Variants in PACC1 observed in about 807,000 individuals in gnomAD.
PACC1 encodes proton-activated chloride channel.
A neutral mutation model predicts 39.7 loss-of-function variants in PACC1; 34 were observed. The observed-to-expected ratio is 0.86, with a 90% CI of 0.65 to 1.14. PACC1 has a LOEUF of 1.14. Ranked by LOEUF, PACC1 falls within the 50% of genes most tolerant of loss-of-function variation. The probability of loss-of-function intolerance (pLI) is 0.00; values close to 1 mark genes in which losing one functional copy is unlikely to be tolerated. For synonymous variants in PACC1, 127 were observed against 160.6 expected (o/e 0.79, Z 1.58); for missense variants, 379 against 436.4 (o/e 0.87, Z 1.17).
intron 2 of PACC1, among the ~76,000 whole-genome samples, chr1:212,401,374 C>T (rs968266509): frequency 2.6e-5 from 4 of 151,986 alleles, no homozygotes; most frequent in African/African-American, 9.7e-5. Context: ...ACCTGTAATC[C>T]CAACACTTTG....
chr1:212,413,704 C>G (rs1662218663), intron 1 of PACC1, among the ~76,000 whole-genome samples: 1 of 152,176 alleles, frequency 6.6e-6, no homozygotes. Flanking sequence ...CTTTGGGAGC[C>G]TGCTGAGAAG....
chr1:212,366,202 T>C (rs2102460070), intron 7 of PACC1, among the ~76,000 whole-genome samples: 1 of 152,244 alleles, frequency 6.6e-6, no homozygotes. Context: ...TTTAAAACAA[T>C]AGGATTGTTC....
chr1:212,402,339 T>A (rs1485255173), intron 2 of PACC1, among the ~76,000 whole-genome samples: 1 of 152,236 alleles, frequency 6.6e-6, no homozygotes, highest in African/African-American at 2.4e-5. Context: ...ATCCACTTTT[T>A]AAAAATTATA....
chr1:212,411,791 G>A (rs1558185383), intron 1 of PACC1, among the ~76,000 whole-genome samples: 1 of 152,106 alleles, frequency 6.6e-6, no homozygotes, highest in East Asian at 1.9e-4. Flanking sequence ...CTCCACTCCT[G>A]CCCCTTAGAA....
chr1:212,379,563 C>A (rs762798656), intron 5 of PACC1, among the ~76,000 whole-genome samples: 68 of 152,350 alleles, frequency 4.5e-4, no homozygotes, highest in Middle Eastern at 6.8e-3. Context: ...CACACAAGAA[C>A]TTGCTCTCAA....
In PACC1 at chr1:212,379,971, G is replaced by C. The variant is rs138060998; in HGVS notation, c.562C>G (p.Arg188Gly). The change falls in exon 5 of 8, where the codon CGC (arginine) becomes GGC (glycine). Residue 188 changes from arginine to glycine, a missense_variant. Physicochemically the swap from Arg to Gly is moderately radical, Grantham distance 125. Coordinates refer to ENST00000261455, the MANE Select transcript of PACC1 (RefSeq NM_018252.3). ...AAGTCCTCACTACTCTTGTTCAGGC[G>C]GAACTGGAGGAAGACCAGCTCCCGC... Reference protein sequence around the residue: ...KKRELVFLQFRLNKSSEDFSA... With the variant: ...KKRELVFLQFGLNKSSEDFSA... 1 of 1,614,198 alleles carries C rather than the reference G, an allele frequency of 6.2e-7. No individual in the cohort carries two copies. Among genetic ancestry groups the C allele is most frequent in the Non-Finnish European group, 8.5e-7 (1 of 1,180,024 alleles).
At chr1:212,388,022 C>T (rs189204746) in intron 2 of PACC1, among the ~76,000 whole-genome samples, 1 of 150,346 alleles carries the variant, frequency 6.7e-6, no homozygotes, top group Admixed American at 6.6e-5. Flanking sequence ...CCATTGCACT[C>T]CAGCCTGGGC....
intron 7 of PACC1, among the ~76,000 whole-genome samples, chr1:212,374,039 AAAAAG>A (rs1184508490): frequency 1.3e-5 from 2 of 150,358 alleles, no homozygotes; most frequent in African/African-American, 2.5e-5. Context: ...AAGGAAATCA[AAAAAG>A]AAAAGAAAAA....
chr1:212,411,731 A>C (rs1170082899), intron 1 of PACC1, among the ~76,000 whole-genome samples: 4 of 152,208 alleles, frequency 2.6e-5, no homozygotes, highest in Non-Finnish European at 1.5e-5. Context: ...TCCAAGAGAC[A>C]AGTGAAAAAC....
chr1:212,407,392 G>A (rs1397506919), intron 2 of PACC1, among the ~76,000 whole-genome samples: 3 of 152,212 alleles, frequency 2.0e-5, no homozygotes, highest in Non-Finnish European at 4.4e-5. Context: ...TTTTAGCCCA[G>A]TGAGATCCAT....
At chr1:212,371,241 CAAAAA>C (rs1189603478) in intron 7 of PACC1, among the ~76,000 whole-genome samples, 7 of 88,804 alleles carry the variant, frequency 7.9e-5, no homozygotes, top group Admixed American at 3.6e-4. Context: ...GACTCCATTT[CAAAAA>C]AAAAAAAAAA....
chr1:212,365,551 C>T (rs1660208936), intron 7 of PACC1, among the ~76,000 whole-genome samples, 175 bp from the exon 8 acceptor site: 1 of 151,884 alleles, frequency 6.6e-6, no homozygotes, highest in Non-Finnish European at 1.5e-5. Flanking sequence ...CTGCCTCAGC[C>T]TCCCGAGTAG....
intron 2 of PACC1, among the ~76,000 whole-genome samples, chr1:212,389,580 A>T (rs1342246019): frequency 1.3e-5 from 2 of 152,222 alleles, no homozygotes; most frequent in African/African-American, 4.8e-5. Flanking sequence ...GAAAAAAGCA[A>T]TCTATAGAAA....
chr1:212,382,635 G>A (rs1176347643), intron 4 of PACC1, among the ~76,000 whole-genome samples: 2 of 152,206 alleles, frequency 1.3e-5, no homozygotes, highest in African/African-American at 4.8e-5. Flanking sequence ...ACAGCCAGAA[G>A]CCTACACATT....
intron 7 of PACC1, among the ~76,000 whole-genome samples, chr1:212,367,258 A>G (rs1012017198): frequency 6.6e-6 from 1 of 152,246 alleles, no homozygotes; most frequent in East Asian, 1.9e-4. Flanking sequence ...GTATAATAAC[A>G]GGAAAAGACA....
intron 4 of PACC1, among the ~76,000 whole-genome samples, chr1:212,382,237 G>A (rs1355602524): frequency 6.6e-6 from 1 of 152,024 alleles, no homozygotes; most frequent in African/African-American, 2.4e-5. Context: ...TAGAGACGGG[G>A]TTTCACCATG....
chr1:212,381,769 T>TCACACACACACACACA (rs1660901884), intron 4 of PACC1, among the ~76,000 whole-genome samples: 1 of 19,122 alleles, frequency 5.2e-5, no homozygotes. Context: ...GACAGCACAG[T>TCACACACACACACACA]GACACACACA....
At chr1:212,381,450 T>C (rs1481285809) in intron 4 of PACC1, among the ~76,000 whole-genome samples, 2 of 152,200 alleles carry the variant, frequency 1.3e-5, no homozygotes, top group African/African-American at 4.8e-5. Flanking sequence ...GAAAGCACTG[T>C]CCCTGGTTTC....
At chr1:212,399,175 C>T (rs1661625130) in intron 2 of PACC1, among the ~76,000 whole-genome samples, 1 of 152,226 alleles carries the variant, frequency 6.6e-6, no homozygotes, top group Admixed American at 6.5e-5. Flanking sequence ...CAAGATAAAA[C>T]TGAAGGAACT....
Sources: allele counts gnomAD v4.1 joint callset (sites outside exome capture counted in the v4.1 genomes callset), GRCh38; gene constraint gnomAD v4.1.1; transcripts MANE v1.5; gene names NCBI Gene and HGNC (gene_info 2026-07-23, HGNC 2026-07-21).